PRKN: variants seen among roughly 807,000 people sequenced by gnomAD.
PRKN encodes the protein parkin RBR E3 ubiquitin protein ligase.
A neutral mutation model predicts 59.5 loss-of-function variants in PRKN; 56 were observed. That is an observed-to-expected ratio of 0.94 (90% CI 0.76 to 1.18). The LOEUF is 1.18. PRKN is among the 50% of genes most tolerant of loss of function. The pLI, the probability that PRKN is intolerant of heterozygous loss-of-function variation, is 0.00. For synonymous variants in PRKN, 250 were observed against 222.1 expected (o/e 1.13, Z -1.12); for missense variants, 657 against 596.4 (o/e 1.10, Z -1.06).
At chr6:162,625,124 C>T (rs546013827) in intron 1 of PRKN, among the ~76,000 whole-genome samples, 3 of 152,238 alleles carry the variant, frequency 2.0e-5, no homozygotes, top group South Asian at 2.1e-4. Context: ...TAAGGCTGAA[C>T]GTGCTCCAGA....
At chr6:162,285,562 TTGAA>T (rs772670408) in intron 2 of PRKN, among the ~76,000 whole-genome samples, 1 of 152,248 alleles carries the variant, frequency 6.6e-6, no homozygotes, top group South Asian at 2.1e-4. Context: ...TGCGTGCTTG[TTGAA>T]TGAATGAATA....
At chr6:161,922,303 C>T (rs1303666929) in intron 6 of PRKN, among the ~76,000 whole-genome samples, 4 of 152,066 alleles carry the variant, frequency 2.6e-5, no homozygotes, top group African/African-American at 9.7e-5. Context: ...AAATATTTTC[C>T]TGACCCCTCA....
intron 5 of PRKN, among the ~76,000 whole-genome samples, chr6:161,980,547 C>T (rs970571778): frequency 5.9e-5 from 9 of 152,134 alleles, no homozygotes; most frequent in Admixed American, 4.6e-4. Flanking sequence ...TTGAGATTAG[C>T]GTCATTATTG....
At chr6:161,563,148 G>A (rs1048745040) in intron 8 of PRKN, among the ~76,000 whole-genome samples, 3 of 151,982 alleles carry the variant, frequency 2.0e-5, no homozygotes, top group Admixed American at 6.6e-5. Context: ...TCCCCTCAAC[G>A]CTTAGTCTCA....
chr6:162,500,811 G>A (rs541937583), intron 1 of PRKN, among the ~76,000 whole-genome samples: 8 of 152,174 alleles, frequency 5.3e-5, no homozygotes, highest in African/African-American at 1.9e-4. Context: ...CAAAAACTAT[G>A]TTTCTCTAGG....
intron 3 of PRKN, among the ~76,000 whole-genome samples, chr6:162,258,686 A>G (rs1378183408): frequency 1.3e-5 from 2 of 152,298 alleles, no homozygotes; most frequent in East Asian, 1.9e-4. Flanking sequence ...TCCAAGGCCA[A>G]CTGGTCTGGG....
At chr6:161,949,082 C>T (rs929291568) in intron 6 of PRKN, among the ~76,000 whole-genome samples, 8 of 152,194 alleles carry the variant, frequency 5.3e-5, no homozygotes, top group African/African-American at 1.9e-4. Context: ...GCTGGATGAA[C>T]AGAGCCTGGG....
At chr6:162,374,302 A>T (rs1785929487) in intron 2 of PRKN, among the ~76,000 whole-genome samples, 1 of 151,990 alleles carries the variant, frequency 6.6e-6, no homozygotes, top group Non-Finnish European at 1.5e-5. Flanking sequence ...GAAGGACTTT[A>T]GGTTACTTTT....
chr6:162,712,880 T>G (rs567679491), intron 1 of PRKN, among the ~76,000 whole-genome samples: 1 of 152,242 alleles, frequency 6.6e-6, no homozygotes, highest in Admixed American at 6.5e-5. Flanking sequence ...CTAACAAACT[T>G]ATGAAACCTC....
At chr6:161,921,485 A>G (rs994865679) in intron 6 of PRKN, among the ~76,000 whole-genome samples, 1 of 152,218 alleles carries the variant, frequency 6.6e-6, no homozygotes, top group Non-Finnish European at 1.5e-5. Flanking sequence ...TGTACTTCAT[A>G]TGTGCTATAC....
rs1339315062 is a variant in PRKN, at chr6:161,393,321, C to A, written c.1084-6444G>T. Among the ~76,000 whole-genome samples the A allele has an allele frequency of 6.6e-6, 1 of 152,020 alleles. No homozygotes were observed. Among genetic ancestry groups the A allele is most frequent in the East Asian group, 1.9e-4 (1 of 5,188 alleles). On this transcript the variant is annotated intron_variant, in intron 9 of 11. Transcript: ENST00000366898. This position sits in a 1 kb window ranked among gnomAD's most constrained non-coding sequence, Gnocchi z 4.7. ...TGATAATAATGACTGTTATGTGAAT[C>A]TCGGGTAAAACTGACACCTCCCCAG... is the stretch of plus-strand genomic sequence containing the variant.
chr6:161,906,353 A>C (rs1778144193), intron 6 of PRKN, among the ~76,000 whole-genome samples: 1 of 152,172 alleles, frequency 6.6e-6, no homozygotes, highest in Non-Finnish European at 1.5e-5. Flanking sequence ...TGTTGAAAGA[A>C]ACTTCTTCTC....
intron 7 of PRKN, among the ~76,000 whole-genome samples, chr6:161,654,491 G>C (rs920965454): frequency 1.3e-5 from 2 of 152,134 alleles, no homozygotes; most frequent in African/African-American, 4.8e-5. Context: ...GATAGAAGAC[G>C]ATCAAGGAAG....
chr6:162,094,278 CCA>C (rs1232199475), intron 4 of PRKN, among the ~76,000 whole-genome samples: 2 of 152,000 alleles, frequency 1.3e-5, no homozygotes, highest in East Asian at 3.9e-4. Flanking sequence ...CTGCATGAGC[CCA>C]GGAGTTCAAG....
chr6:162,505,794 T>C (rs1461170819), intron 1 of PRKN, among the ~76,000 whole-genome samples: 1 of 80,186 alleles, frequency 1.2e-5, no homozygotes, highest in African/African-American at 3.6e-5. Context: ...TGGAAAACTG[T>C]GAGTATTTGT....
chr6:161,976,207 G>A (rs1781025976), intron 5 of PRKN, among the ~76,000 whole-genome samples: 1 of 152,152 alleles, frequency 6.6e-6, no homozygotes, highest in Admixed American at 6.6e-5. Flanking sequence ...GCCTGGCTGA[G>A]TGTGCCATTT....
intron 5 of PRKN, among the ~76,000 whole-genome samples, chr6:162,050,543 A>G (rs1369142610): frequency 1.3e-5 from 2 of 151,914 alleles, no homozygotes; most frequent in Non-Finnish European, 2.9e-5. Flanking sequence ...ATACTAGACA[A>G]TGTAGGTTCA....
At position 161,539,721 on chromosome 6, in the gene PRKN, CT is replaced by C. The variant is rs1361266992; in HGVS notation, c.1083+9132del. Among the ~76,000 whole-genome samples the C allele has an allele frequency of 3.3e-5, 5 of 152,280 alleles. No individual in the cohort carries two copies. In the East Asian group the frequency reaches 9.6e-4, roughly 29 times the overall value. ...TTATAAACTGAAAAGTAAAAGCTTC[CT>C]CCCTCACATCATCACTTCCTCTACC... On this transcript the variant is annotated intron_variant, in intron 9 of 11. Transcript: ENST00000366898.
At chr6:161,954,566 A>G (rs890625387) in intron 6 of PRKN, among the ~76,000 whole-genome samples, 2 of 152,346 alleles carry the variant, frequency 1.3e-5, no homozygotes, top group Non-Finnish European at 1.5e-5. Flanking sequence ...TTTTCAGAAT[A>G]AAATTAGATG....
Sources: gnomAD v4.1 joint callset for allele counts (sites outside exome capture counted in the v4.1 genomes callset) on GRCh38, gnomAD v4.1.1 for gene constraint, Gnocchi (gnomAD v3.1) non-coding constraint, MANE v1.5 for transcripts, NCBI Gene and HGNC (gene_info 2026-07-23, HGNC 2026-07-21) for gene names.